TBC1D4: variants seen among roughly 807,000 people sequenced by gnomAD.
TBC1D4 encodes TBC (Tre-2, BUB2, CDC16) domain-containing protein.
In TBC1D4, 121 loss-of-function variants were observed where a neutral mutation model predicts 142.5. The observed-to-expected ratio is 0.85, with a 90% CI of 0.73 to 0.99. The LOEUF (loss-of-function observed/expected upper bound fraction) is 0.99. Among genes scored for constraint, TBC1D4 ranks in the 50% least tolerant of loss-of-function variants. The pLI is 0.00. For missense variants in TBC1D4, 1,475 were observed against 1,606.6 expected, an observed-to-expected ratio of 0.92 and a Z score of 1.40; for synonymous variants, 630 against 628.2, an observed-to-expected ratio of 1.00 and a Z score of -0.04.
chr13:75,421,808 A>G (rs1886182007), intron 1 of TBC1D4, among the ~76,000 whole-genome samples: 1 of 152,236 alleles, frequency 6.6e-6, no homozygotes, highest in South Asian at 2.1e-4. Context: ...TTCCAAATCT[A>G]TAAAAAATAC....
chr13:75,422,478 A>G (rs1886211349), intron 1 of TBC1D4, among the ~76,000 whole-genome samples: 1 of 152,218 alleles, frequency 6.6e-6, no homozygotes. Context: ...TGGAAAATTA[A>G]TTTTGAGTCA....
At chr13:75,403,434 T>C (rs764028323) in intron 1 of TBC1D4, among the ~76,000 whole-genome samples, 17 of 152,242 alleles carry the variant, frequency 1.1e-4, no homozygotes, top group South Asian at 2.1e-4. Flanking sequence ...TGAGATATTC[T>C]TGTATGTTAA....
chr13:75,469,996 A>G (rs887390040), intron 1 of TBC1D4, among the ~76,000 whole-genome samples: 6 of 152,330 alleles, frequency 3.9e-5, no homozygotes, highest in African/African-American at 1.4e-4. Flanking sequence ...GTCAACAAAA[A>G]ATTTTTAAGT....
intron 1 of TBC1D4, among the ~76,000 whole-genome samples, chr13:75,387,266 G>A (rs143183082): frequency 7.2e-5 from 11 of 152,188 alleles, no homozygotes; most frequent in African/African-American, 2.2e-4. Flanking sequence ...AACATCTAAC[G>A]TCCCACAAGT....
At chr13:75,409,170 A>G (rs1885480688) in intron 1 of TBC1D4, among the ~76,000 whole-genome samples, 1 of 152,202 alleles carries the variant, frequency 6.6e-6, no homozygotes, top group Admixed American at 6.5e-5. Context: ...GTAAGTCTTC[A>G]CACAATGATA....
intron 7 of TBC1D4, among the ~76,000 whole-genome samples, chr13:75,338,743 C>T (rs1455684552): frequency 6.6e-6 from 1 of 152,178 alleles, no homozygotes; most frequent in Non-Finnish European, 1.5e-5. Context: ...GCACCAAATC[C>T]ATTTTTCTAA....
intron 1 of TBC1D4, among the ~76,000 whole-genome samples, chr13:75,449,024 T>C (rs1270693226): frequency 7.0e-6 from 1 of 142,154 alleles, no homozygotes; most frequent in Non-Finnish European, 1.5e-5. Flanking sequence ...ATCATGTATA[T>C]GCATTCACAT....
intron 1 of TBC1D4, among the ~76,000 whole-genome samples, chr13:75,449,305 C>T (rs1026463274): frequency 2.0e-5 from 3 of 151,784 alleles, no homozygotes; most frequent in Non-Finnish European, 4.4e-5. Context: ...TGTGTATACA[C>T]ACACACACAA....
rs776735455 is a variant in TBC1D4, at chr13:75,284,478, GC to G, written c.*2313del. ...GCATGCACAGTTCACAATAGGGTTT[GC>G]GCTCCTATGAGAATCTAATGCCGTG... On this transcript the variant is annotated 3_prime_UTR_variant, in exon 21 of 21. Transcript: ENST00000377636. Among the ~76,000 whole-genome samples, 46 of 152,264 alleles carry G rather than the reference GC, an allele frequency of 3.0e-4. No homozygotes were observed. Among genetic ancestry groups the G allele is most frequent in the Non-Finnish European group, 6.2e-4 (42 of 68,018 alleles).
intron 5 of TBC1D4, among the ~76,000 whole-genome samples, chr13:75,346,244 C>T (rs921057169): frequency 4.6e-5 from 5 of 108,400 alleles, no homozygotes; most frequent in African/African-American, 1.6e-4. Context: ...CATGGTGCAC[C>T]CATCAACCTG....
At chr13:75,335,031 A>AT (rs1157767182) in intron 8 of TBC1D4, among the ~76,000 whole-genome samples, 1 of 44,734 alleles carries the variant, frequency 2.2e-5, no homozygotes, top group Non-Finnish European at 5.0e-5. Flanking sequence ...AGGCTGTGCC[A>AT]CTCCCTGCTG....
At chr13:75,357,296 A>G (rs1706090711) in intron 3 of TBC1D4, among the ~76,000 whole-genome samples, 1 of 152,248 alleles carries the variant, frequency 6.6e-6, no homozygotes, top group Non-Finnish European at 1.5e-5. Flanking sequence ...GTCAGTACAG[A>G]GGAGAGAGGC....
At chr13:75,327,941 G>T in intron 8 of TBC1D4, 115 bp from the exon 9 acceptor site, 1 of 1,067,230 alleles carries the variant, frequency 9.4e-7, no homozygotes, top group South Asian at 1.3e-5. Flanking sequence ...TCATTTTGTG[G>T]TTCACTTAAA....
chr13:75,348,941 G>GAGAC (rs373325091), intron 5 of TBC1D4, among the ~76,000 whole-genome samples: 4 of 121,794 alleles, frequency 3.3e-5, no homozygotes, highest in African/African-American at 1.3e-4. Flanking sequence ...AGAGAGAGTA[G>GAGAC]AGAGAGAGAG....
chr13:75,331,845 G>GA (rs4052616), intron 8 of TBC1D4, among the ~76,000 whole-genome samples: 53,604 of 140,396 alleles, frequency 0.38, 10,585 homozygotes, highest in Non-Finnish European at 0.44. Context: ...AACTCAGCAG[G>GA]AAAAAAAAAA....
chr13:75,358,832 C>A (rs1477957926), intron 3 of TBC1D4, among the ~76,000 whole-genome samples: 1 of 151,942 alleles, frequency 6.6e-6, no homozygotes, highest in Middle Eastern at 3.2e-3. Context: ...CCACTGCAAT[C>A]CAGCCTGGAT....
intron 12 of TBC1D4, among the ~76,000 whole-genome samples, chr13:75,316,977 T>C (rs1038153074): frequency 6.6e-6 from 1 of 152,208 alleles, no homozygotes; most frequent in Non-Finnish European, 1.5e-5. Flanking sequence ...CAGGTATCGA[T>C]TGTTCTAAAC....
intron 1 of TBC1D4, among the ~76,000 whole-genome samples, chr13:75,409,433 C>T (rs955219751): frequency 1.3e-5 from 2 of 152,192 alleles, no homozygotes; most frequent in Non-Finnish European, 2.9e-5. Context: ...CACGATTAAT[C>T]TGTTCTTCCA....
intron 1 of TBC1D4, among the ~76,000 whole-genome samples, chr13:75,441,012 T>G (rs4331238): frequency 0.58 from 88,743 of 152,000 alleles, 30,601 homozygotes; most frequent in Non-Finnish European, 0.73. Flanking sequence ...ATTCCAACAC[T>G]TTGGGAGGCC....
Sources: allele counts gnomAD v4.1 joint callset (sites outside exome capture counted in the v4.1 genomes callset), GRCh38; gene constraint gnomAD v4.1.1; transcripts MANE v1.5; gene names NCBI Gene and HGNC (gene_info 2026-07-23, HGNC 2026-07-21).